The following GRIK2 variants were observed in gnomAD, a reference collection of about 807,000 sequenced individuals.
The protein encoded by GRIK2 is glutamate ionotropic receptor kainate type subunit 2.
In GRIK2, 32 loss-of-function variants were observed where a neutral mutation model predicts 100.3. The ratio of observed to expected loss-of-function variants is 0.32; its 90% CI spans 0.24 to 0.43. The LOEUF is 0.43. Ranked by LOEUF, GRIK2 falls within the 20% of genes least tolerant of loss-of-function variation. The probability of loss-of-function intolerance (pLI) is 1.00; values close to 1 mark genes in which losing one functional copy is unlikely to be tolerated. For missense variants in GRIK2, 843 were observed against 1,114.9 expected, an observed-to-expected ratio of 0.76 and a Z score of 3.47; for synonymous variants, 417 against 389.4, an observed-to-expected ratio of 1.07 and a Z score of -0.83.
At chr6:101,663,512 TAGGAGAAGAAATATAC>T (rs1210390789) in intron 4 of GRIK2, among the ~76,000 whole-genome samples, 9 of 152,150 alleles carry the variant, frequency 5.9e-5, no homozygotes, top group East Asian at 1.9e-4. Context: ...TATGGTGAAG[TAGGAGAAGAAATATAC>T]AGGAGAAGAA....
intron 7 of GRIK2, among the ~76,000 whole-genome samples, chr6:101,714,451 C>T: frequency 6.8e-6 from 1 of 146,556 alleles, no homozygotes; most frequent in African/African-American, 2.5e-5. Flanking sequence ...TATTCAGTTA[C>T]CACTTTTGAG....
chr6:101,578,169 T>C (rs1193910798), intron 2 of GRIK2, among the ~76,000 whole-genome samples: 5 of 152,176 alleles, frequency 3.3e-5, no homozygotes, highest in African/African-American at 1.2e-4. Flanking sequence ...TGCACAGGTT[T>C]ATTTATTCAT....
intron 14 of GRIK2, among the ~76,000 whole-genome samples, chr6:102,002,379 TTA>T (rs942060908): frequency 1.0e-4 from 15 of 148,046 alleles, no homozygotes; most frequent in African/African-American, 2.9e-4. Context: ...TATATTTATG[TTA>T]TATATATGTA....
intron 11 of GRIK2, among the ~76,000 whole-genome samples, chr6:101,869,208 A>C (rs963192665): frequency 2.0e-5 from 3 of 152,078 alleles, no homozygotes; most frequent in Non-Finnish European, 2.9e-5. Flanking sequence ...AATATTTTGA[A>C]AGCCAATTCA....
At chr6:101,846,549 T>A (rs1250606558) in intron 10 of GRIK2, among the ~76,000 whole-genome samples, 1 of 152,060 alleles carries the variant, frequency 6.6e-6, no homozygotes. Context: ...AAGAAGGTGT[T>A]CCCTCCTGTT....
At chr6:101,815,433 A>T (rs1183502390) in intron 9 of GRIK2, among the ~76,000 whole-genome samples, 2 of 152,234 alleles carry the variant, frequency 1.3e-5, no homozygotes, top group Admixed American at 6.5e-5. Flanking sequence ...TATTTCTTGT[A>T]TCTAATTGAA....
At chr6:101,742,755 A>G (rs1440177890) in intron 7 of GRIK2, among the ~76,000 whole-genome samples, 1 of 152,204 alleles carries the variant, frequency 6.6e-6, no homozygotes, top group African/African-American at 2.4e-5. Flanking sequence ...TACCATGCAG[A>G]TGAAGCTTTT....
intron 2 of GRIK2, among the ~76,000 whole-genome samples, chr6:101,577,583 A>G (rs1292925857): frequency 6.6e-6 from 1 of 152,138 alleles, no homozygotes; most frequent in Non-Finnish European, 1.5e-5. Flanking sequence ...AAAATAGTCA[A>G]TAAAACAAGA....
chr6:101,661,480 G>A (rs1485840902), intron 4 of GRIK2, among the ~76,000 whole-genome samples: 1 of 152,028 alleles, frequency 6.6e-6, no homozygotes, highest in African/African-American at 2.4e-5. Context: ...CCAGGGGAGT[G>A]AACGGTTCTG....
intron 10 of GRIK2, among the ~76,000 whole-genome samples, chr6:101,851,877 A>G (rs1277202213): frequency 1.3e-5 from 2 of 151,454 alleles, no homozygotes; most frequent in Non-Finnish European, 2.9e-5. Context: ...AGAATTATTT[A>G]ATCAAGGAAG....
intron 12 of GRIK2, among the ~76,000 whole-genome samples, chr6:101,913,064 C>A (rs886556488): frequency 6.6e-6 from 1 of 151,366 alleles, no homozygotes; most frequent in Non-Finnish European, 1.5e-5. Flanking sequence ...AGTTTAAATA[C>A]AAAATAAATC....
chr6:101,872,843 T>G (rs939828665), intron 11 of GRIK2, among the ~76,000 whole-genome samples: 3 of 151,938 alleles, frequency 2.0e-5, no homozygotes, highest in African/African-American at 7.2e-5. Flanking sequence ...TTAAATCCTT[T>G]GAAAGTCAGA....
chr6:101,690,679 G>T (rs554496914), intron 7 of GRIK2, among the ~76,000 whole-genome samples: 8 of 151,932 alleles, frequency 5.3e-5, no homozygotes, highest in African/African-American at 1.9e-4. Flanking sequence ...TTTCCAATTT[G>T]TCCAGCCTCA....
intron 2 of GRIK2, among the ~76,000 whole-genome samples, chr6:101,586,912 AAGAG>A (rs1419600637): frequency 3.3e-5 from 5 of 149,354 alleles, no homozygotes; most frequent in Non-Finnish European, 5.9e-5. Context: ...AAAAAAAAAA[AAGAG>A]AGATATCAAA....
intron 14 of GRIK2, among the ~76,000 whole-genome samples, chr6:101,967,288 G>C (rs1032276675): frequency 1.1e-4 from 17 of 151,642 alleles, no homozygotes; most frequent in African/African-American, 3.9e-4. Context: ...TCATATAACT[G>C]TTTTTCTTCT....
At chr6:101,613,027 A>G (rs998134675) in intron 2 of GRIK2, among the ~76,000 whole-genome samples, 4 of 151,854 alleles carry the variant, frequency 2.6e-5, no homozygotes, top group African/African-American at 9.7e-5. Context: ...CGTTATAAAA[A>G]TGACTTTGAT....
intron 9 of GRIK2, among the ~76,000 whole-genome samples, chr6:101,811,023 G>A (rs918415415): frequency 6.6e-6 from 1 of 151,994 alleles, no homozygotes; most frequent in Non-Finnish European, 1.5e-5. Context: ...TCTTTCTTAT[G>A]CTTTCTATTT....
intron 14 of GRIK2, among the ~76,000 whole-genome samples, chr6:102,002,354 T>C (rs1453810027): frequency 1.4e-5 from 2 of 148,068 alleles, no homozygotes; most frequent in African/African-American, 4.9e-5. Context: ...TATATGTGCA[T>C]GTATATATTA....
At chr6:101,740,243 C>A (rs1470250512) in intron 7 of GRIK2, among the ~76,000 whole-genome samples, 1 of 152,124 alleles carries the variant, frequency 6.6e-6, no homozygotes, top group Non-Finnish European at 1.5e-5. Flanking sequence ...ACTGGCTTAT[C>A]CTTCCCAAAT....
Sources: gnomAD v4.1 joint callset for allele counts (sites outside exome capture counted in the v4.1 genomes callset) on GRCh38, gnomAD v4.1.1 for gene constraint, MANE v1.5 for transcripts, NCBI Gene and HGNC (gene_info 2026-07-23, HGNC 2026-07-21) for gene names.